Variants in CHTF8 observed in about 807,000 individuals in gnomAD.
The protein encoded by CHTF8 is chromosome transmission fidelity factor 8.
Under a neutral mutation model 11.0 loss-of-function variants are expected in CHTF8, and 6 were observed. The ratio of observed to expected loss-of-function variants is 0.55; its 90% confidence interval spans 0.30 to 1.08. The LOEUF (loss-of-function observed/expected upper bound fraction) is 1.08, where lower values mean the gene tolerates loss of function less well. Ranked by LOEUF, CHTF8 falls within the 50% of genes least tolerant of loss-of-function variation. The pLI is 0.07. For missense variants in CHTF8, 140 were observed against 153.1 expected, an observed-to-expected ratio of 0.91 and a Z score of 0.45; for synonymous variants, 53 against 60.5, an observed-to-expected ratio of 0.88 and a Z score of 0.57.
chr16:69,125,446 C>G lies in CHTF8; in HGVS notation c.-35-3953G>C, dbSNP rs80147801. 4.9e-3 allele frequency among the ~76,000 whole-genome samples: 743 copies of G among 151,962 alleles called. 3 individuals are homozygous for G. The highest frequency in any genetic ancestry group is 0.017 in the African/African-American group (724 of 41,418). On this transcript the variant is annotated intron_variant, in intron 1 of 3. Coordinates refer to ENST00000448552, the MANE Select transcript of CHTF8 (RefSeq NM_001039690.5). Reference sequence around the variant, plus strand: ...GTGACAGAGTAGAAATCTGGGCCATCTGACTATCTACACTCATAATCACTA... The same window carrying G: ...GTGACAGAGTAGAAATCTGGGCCATGTGACTATCTACACTCATAATCACTA...
At chr16:69,131,078 T>C (rs571058955) in intron 1 of CHTF8, among the ~76,000 whole-genome samples, 3 of 152,344 alleles carry the variant, frequency 2.0e-5, no homozygotes, top group African/African-American at 7.2e-5. Context: ...TTGAAGGGGA[T>C]CTTGTCTCTT....
At chr16:69,121,517 T>G (rs1166408798) in intron 1 of CHTF8, 24 bp from the exon 2 acceptor site, 1 of 1,446,290 alleles carries the variant, frequency 6.9e-7, no homozygotes, top group Admixed American at 2.0e-5. Context: ...AAAAGAGATT[T>G]AGGGTAATAA....
At chr16:69,124,123 A>T (rs1961887722) in intron 1 of CHTF8, among the ~76,000 whole-genome samples, 1 of 146,320 alleles carries the variant, frequency 6.8e-6, no homozygotes, top group Non-Finnish European at 1.5e-5. Context: ...AAAAAAAAAA[A>T]GGATAATATG....
At chr16:69,124,164 G>C (rs553684300) in intron 1 of CHTF8, among the ~76,000 whole-genome samples, 18 of 151,938 alleles carry the variant, frequency 1.2e-4, no homozygotes, top group Non-Finnish European at 2.4e-4. Flanking sequence ...AGCACCACCT[G>C]GTGGCAAACT....
At chr16:69,122,362 ATTC>A (rs1307668651) in intron 1 of CHTF8, among the ~76,000 whole-genome samples, 5 of 149,704 alleles carry the variant, frequency 3.3e-5, no homozygotes, top group Non-Finnish European at 3.0e-5. Context: ...TCTTAAGGAT[ATTC>A]TTTTTTTTTT....
At chr16:69,127,628 G>A (rs1011126859) in intron 1 of CHTF8, among the ~76,000 whole-genome samples, 3 of 87,236 alleles carry the variant, frequency 3.4e-5, no homozygotes, top group African/African-American at 1.4e-4. Flanking sequence ...TTTTTTTTGT[G>A]AGACAGTGTC....
At chr16:69,121,549 C>A (rs1283492977) in intron 1 of CHTF8, 56 bp from the exon 2 acceptor site, 1 of 1,039,042 alleles carries the variant, frequency 9.6e-7, no homozygotes, top group Non-Finnish European at 1.4e-6. Flanking sequence ...AATAATGACA[C>A]CTAATGCAAC....
In CHTF8 at chr16:69,120,530, G is replaced by C; in HGVS notation, c.261C>G (p.Gly87=). The C allele has an allele frequency of 6.2e-7, 1 of 1,614,144 alleles. No homozygotes were observed. The highest frequency in any genetic ancestry group is 8.5e-7 in the Non-Finnish European group (1 of 1,180,020). ...TPGDQDCDEL[G]RETGTRYLVT... ...CCAGGTACCGGGTGCCAGTCTCGCG[G>C]CCAAGCTCATCACAGTCCTGATCCC... Residue 87 remains glycine (G), a synonymous_variant, in exon 4 of 4, where the codon GGC becomes GGG. Coordinates refer to ENST00000448552, the MANE Select transcript of CHTF8 (RefSeq NM_001039690.5). This position sits in a 1 kb window ranked among gnomAD's most constrained non-coding sequence, Gnocchi z 4.0.
In CHTF8 at chr16:69,126,584, C is replaced by G. The variant is rs572344442; in HGVS notation, c.-35-5091G>C. Among the ~76,000 whole-genome samples, 32 of 152,304 alleles carry G rather than the reference C, an allele frequency of 2.1e-4. 1 individual carries two copies. Among genetic ancestry groups the G allele is most frequent in the African/African-American group, 7.5e-4 (31 of 41,568 alleles). Reference sequence around the variant, plus strand: ...TCAGGCTGGTAAAAACTTGTCTTATCCTAGAACTATTGGGATGCTGCAGAT... The same window carrying G: ...TCAGGCTGGTAAAAACTTGTCTTATGCTAGAACTATTGGGATGCTGCAGAT... On this transcript the variant is annotated intron_variant, in intron 1 of 3. Coordinates refer to ENST00000448552, the MANE Select transcript of CHTF8 (RefSeq NM_001039690.5).
In CHTF8 at chr16:69,118,417, G is replaced by C; in HGVS notation, c.*2008C>G. 6.2e-7 allele frequency: 1 copy of C among 1,613,476 alleles called. No individual in the cohort carries two copies. Among genetic ancestry groups the C allele is most frequent in the Non-Finnish European group, 8.5e-7 (1 of 1,179,420 alleles). On this transcript the variant is annotated 3_prime_UTR_variant, in exon 4 of 4. Transcript: ENST00000448552. ...TCCAAGCTGCCCAGGTCAGAGCTAC[G>C]GAAGCATGGTCCGTTCACCAACGCC... is the stretch of plus-strand genomic sequence containing the variant.
intron 1 of CHTF8, among the ~76,000 whole-genome samples, chr16:69,127,312 T>G (rs935645584): frequency 2.7e-5 from 4 of 147,998 alleles, no homozygotes; most frequent in Non-Finnish European, 5.9e-5. Context: ...ACAGAGTGAG[T>G]AGAAAAAAGA....
At chr16:69,129,328 G>A (rs1019675090) in intron 1 of CHTF8, among the ~76,000 whole-genome samples, 1 of 151,100 alleles carries the variant, frequency 6.6e-6, no homozygotes, top group African/African-American at 2.4e-5. Flanking sequence ...TACTCAGGAG[G>A]CTGAGGCAGG....
chr16:69,131,457 A>C (rs1024913727), intron 1 of CHTF8: 2 of 147,566 alleles, frequency 1.4e-5, no homozygotes, highest in African/African-American at 2.5e-5. Flanking sequence ...AGCCCGGCGT[A>C]GAGTCTCCCT....
Position 69,120,800 on chromosome 16 carries a change from C to T in CHTF8, c.142-151G>A, listed in dbSNP as rs1322857678. The stretch of plus-strand genomic sequence containing the variant: ...TTGAGCAGCCACACTGGACCACCCA[C>T]CCATGTGCCCTTTTTACTTTCTAGC... On this transcript the variant is annotated intron_variant, in intron 3 of 3. Transcript: ENST00000448552. The surrounding 1 kb of genome is among the most constrained non-coding windows in gnomAD (Gnocchi z 4.0). The T allele has an allele frequency of 9.5e-6, 7 of 735,308 alleles. No individual in the cohort carries two copies. Among genetic ancestry groups the T allele is most frequent in the Admixed American group, 6.6e-5 (3 of 45,624 alleles). 45.5% of individuals were successfully genotyped at this position (735,308 alleles called of 1,614,324 possible).
rs986539097 is a variant in CHTF8, at chr16:69,120,011, C to G, written c.*414G>C. On this transcript the variant is annotated 3_prime_UTR_variant, in exon 4 of 4. Coordinates refer to ENST00000448552, the MANE Select transcript of CHTF8 (RefSeq NM_001039690.5). The surrounding 1 kb of genome is among the most constrained non-coding windows in gnomAD (Gnocchi z 4.0). ...CCTAACCTGGGGTTAGACAGAGGCC[C>G]TGGGCCTGGCAGAGCCCCTGTCCTA... is the stretch of plus-strand genomic sequence containing the variant. 5.8e-6 allele frequency: 4 copies of G among 691,836 alleles called. No homozygotes were observed. In the African/African-American group the frequency reaches 7.1e-5, roughly 12 times the overall value. 42.9% of individuals were successfully genotyped at this position (691,836 alleles called of 1,614,324 possible).
chr16:69,120,415 C>T lies in CHTF8; in HGVS notation c.*10G>A, dbSNP rs1961558014. The stretch of plus-strand genomic sequence containing the variant: ...AGTTGGCCGCTCTCTAGGGAAAATC[C>T]GAGGTTCTTTCATACTTTCTTGGGG... On this transcript the variant is annotated 3_prime_UTR_variant, in exon 4 of 4. Transcript: ENST00000448552. The surrounding 1 kb of genome is among the most constrained non-coding windows in gnomAD (Gnocchi z 4.0). 1.2e-6 allele frequency: 2 copies of T among 1,613,820 alleles called. No homozygotes were observed. The highest frequency in any genetic ancestry group is 1.7e-6 in the Non-Finnish European group (2 of 1,179,770).
At chr16:69,131,335 C>T (rs976308883) in intron 1 of CHTF8, 2 of 152,122 alleles carry the variant, frequency 1.3e-5, no homozygotes, top group African/African-American at 4.8e-5. Context: ...TGGCTTCAGT[C>T]GATCTGAGTT....
At position 69,119,577 on chromosome 16, in the gene CHTF8, A is replaced by G. The variant is rs1393657159; in HGVS notation, c.*848T>C. ...AGAAAGAAGCTGAATTTGCTCCTAA[A>G]AGACCTGCTGCTCTTAGAATGGGGG... On this transcript the variant is annotated 3_prime_UTR_variant, in exon 4 of 4. Transcript: ENST00000448552. 5.7e-6 allele frequency: 4 copies of G among 702,368 alleles called. No homozygotes were observed. Among genetic ancestry groups the G allele is most frequent in the Non-Finnish European group, 1.0e-5 (4 of 384,690 alleles). 43.5% of individuals were successfully genotyped at this position (702,368 alleles called of 1,614,324 possible). A position where few individuals can be genotyped will look rare whatever the true frequency, so the allele number is the denominator to read the frequency against.
In CHTF8 at chr16:69,121,503, G is replaced by GA. The variant is rs754951477; in HGVS notation, c.-35-11dup. 10 of 1,526,340 alleles carry GA rather than the reference G, an allele frequency of 6.6e-6. No individual in the cohort carries two copies. The highest frequency in any genetic ancestry group is 2.4e-5 in the South Asian group (2 of 84,210). The allele number at this position is 1,526,340 out of a possible 1,614,324, so 94.5% of individuals were successfully genotyped here. A position where few individuals can be genotyped will look rare whatever the true frequency, so the allele number is the denominator to read the frequency against. On this transcript the variant is annotated splice_polypyrimidine_tract_variant and intron_variant, in intron 1 of 3. Transcript: ENST00000448552. ...AGCAAGTGAAAACAAGCTGTAGAGA[G>GA]AAAAAAAGAGATTTAGGGTAATAAC...
Sources: allele counts gnomAD v4.1 joint callset (sites outside exome capture counted in the v4.1 genomes callset), GRCh38; gene constraint gnomAD v4.1.1; non-coding constraint Gnocchi (gnomAD v3.1); transcripts MANE v1.5; gene names NCBI Gene and HGNC (gene_info 2026-07-23, HGNC 2026-07-21).